The following TCEANC variants were observed in gnomAD, a reference collection of about 807,000 sequenced individuals.
TCEANC encodes the protein transcription elongation factor A N-terminal and central domain containing, also known as transcription elongation factor A N-terminal and central domain-containing protein.
Under a neutral mutation model 8.7 loss-of-function variants are expected in TCEANC, and 8 were observed. The observed-to-expected ratio is 0.92, with a 90% CI of 0.54 to 1.65. TCEANC has a LOEUF of 1.65. TCEANC is among the 40% of genes most tolerant of loss of function. TCEANC has a pLI of 0.00. For synonymous variants in TCEANC, 78 were observed against 92.9 expected (o/e 0.84, Z 0.92); for missense variants, 255 against 251.9 (o/e 1.01, Z -0.08).
chrX:13,664,470 G>C (rs1018406756), exon 2 of TCEANC: 1 of 123,343 alleles, frequency 8.1e-6, no homozygotes, highest in Non-Finnish European at 1.9e-5. Context: ...AACTCATCCC[G>C]CAGTTAGAAT....
chrX:13,659,686 C>T, intron 1 of TCEANC: 1 of 107,426 alleles, frequency 9.3e-6, no homozygotes. Flanking sequence ...AGTGCAGTGG[C>T]ATGATCTCGG....
upstream of TCEANC, chrX:13,653,293 T>C (rs1218028115): frequency 8.9e-6 from 1 of 112,742 alleles, no homozygotes; most frequent in African/African-American, 3.2e-5. Flanking sequence ...CGGTGCGCCC[T>C]GGGCGGCGTA....
intron 1 of TCEANC, among the ~76,000 whole-genome samples, chrX:13,656,141 G>A (rs1196938213): frequency 8.9e-6 from 1 of 112,120 alleles, no homozygotes; most frequent in Admixed American, 9.4e-5. Flanking sequence ...GCCCAGATAG[G>A]GTTTGGTGCC....
exon 2 of TCEANC, chrX:13,663,129 G>A (rs2045982899): frequency 1.7e-6 from 2 of 1,209,135 alleles, no homozygotes; most frequent in East Asian, 5.9e-5. Flanking sequence ...AAATTGAAGA[G>A]CATGTTTTTA....
chrX:13,659,749 C>G (rs1203919662), intron 1 of TCEANC: 1 of 111,671 alleles, frequency 9.0e-6, no homozygotes, highest in African/African-American at 3.4e-5. Flanking sequence ...CCTCGGCCTT[C>G]CGAGTAGCTG....
At chrX:13,653,262 C>G (rs2045895900), upstream of TCEANC, 1 of 113,077 alleles carries the variant, frequency 8.8e-6, no homozygotes, top group African/African-American at 3.2e-5. Context: ...CGGAAGCCCA[C>G]CCCGGCTCGC....
At chrX:13,662,539 G>A (rs767280886) in exon 2 of TCEANC, 4 of 1,211,100 alleles carry the variant, frequency 3.3e-6, no homozygotes, top group Non-Finnish European at 4.5e-6. Context: ...AGCTGCCAGA[G>A]CTTCTCTTAT....
exon 2 of TCEANC, chrX:13,662,635 C>A (rs942798965): frequency 1.7e-6 from 2 of 1,210,107 alleles, no homozygotes; most frequent in Non-Finnish European, 1.1e-6. Flanking sequence ...TAAGGAGCAT[C>A]TCCAGGAGAC....
chrX:13,654,597 T>G (rs2045909462), upstream of TCEANC, among the ~76,000 whole-genome samples: 1 of 112,743 alleles, frequency 8.9e-6, no homozygotes, highest in South Asian at 3.6e-4. Flanking sequence ...ACTTACTGTG[T>G]GACAGCCATA....
chrX:13,654,469 A>G (rs2045908395), upstream of TCEANC, among the ~76,000 whole-genome samples: 1 of 112,531 alleles, frequency 8.9e-6, no homozygotes, highest in African/African-American at 3.2e-5. Context: ...CAAAGCCTAG[A>G]ATATATACCT....
exon 2 of TCEANC, chrX:13,663,045 G>A: frequency 8.3e-7 from 1 of 1,211,294 alleles, no homozygotes; most frequent in Non-Finnish European, 1.1e-6. Flanking sequence ...AATGCATAGA[G>A]CTTCTTTACG....
rs749851573 is a variant in TCEANC, at chrX:13,655,319, G to GT, written c.-62dup. The GT allele has an allele frequency of 1.8e-5, 2 of 112,469 alleles. No individual in the cohort carries two copies. The highest frequency in any genetic ancestry group is 5.5e-4 in the East Asian group (2 of 3,625). The allele number at this position is 112,469 out of a possible 1,213,427, so 9.3% of individuals were successfully genotyped here. ...TTGTGAGGATTGAGATGACTGGAGT[G>GT]TGTGTGGCCTGGAGAGTTGCTCAAT... On this transcript the variant is annotated 5_prime_UTR_variant, in exon 1 of 2. The change abolishes the stop of an existing upstream ORF in the 5' untranslated region. Transcript: ENST00000380600.
intron 1 of TCEANC, among the ~76,000 whole-genome samples, chrX:13,658,060 C>T (rs2045937891): frequency 8.9e-6 from 1 of 112,077 alleles, no homozygotes; most frequent in South Asian, 3.7e-4. Context: ...AGACCACATA[C>T]TGTATGATTT....
At chrX:13,658,275 A>G (rs2045939646) in intron 1 of TCEANC, among the ~76,000 whole-genome samples, 1 of 112,006 alleles carries the variant, frequency 8.9e-6, no homozygotes, top group African/African-American at 3.3e-5. Flanking sequence ...CTGTGAATAT[A>G]CTAAAAGCCA....
chrX:13,655,609 C>G (rs923052519), intron 1 of TCEANC, among the ~76,000 whole-genome samples: 3 of 112,106 alleles, frequency 2.7e-5, no homozygotes, highest in Admixed American at 1.9e-4. Context: ...CTGGCAGGTC[C>G]TGCTGGGGTG....
chrX:13,660,479 T>C (rs1403331221), intron 1 of TCEANC, among the ~76,000 whole-genome samples: 1 of 112,080 alleles, frequency 8.9e-6, no homozygotes, highest in East Asian at 2.8e-4. Flanking sequence ...CCCTACCTAG[T>C]CAACAACTGA....
exon 2 of TCEANC, chrX:13,665,339 G>A (rs756770947): frequency 2.8e-4 from 35 of 123,774 alleles, no homozygotes; most frequent in African/African-American, 1.0e-3. Flanking sequence ...GTGTGTATGT[G>A]TGTAGTTTTT....
At chrX:13,664,823 A>G (rs2046003297) in exon 2 of TCEANC, 1 of 123,601 alleles carries the variant, frequency 8.1e-6, no homozygotes. Flanking sequence ...CACGCCTTCT[A>G]TGTGATTATG....
At chrX:13,659,125 T>G (rs758587625) in intron 1 of TCEANC, among the ~76,000 whole-genome samples, 1 of 112,496 alleles carries the variant, frequency 8.9e-6, no homozygotes, top group Non-Finnish European at 1.9e-5. Context: ...GCTTCAGATC[T>G]TGAAGTCACG....
Sources: gnomAD v4.1 joint callset for allele counts (sites outside exome capture counted in the v4.1 genomes callset) on GRCh38, gnomAD v4.1.1 for gene constraint, MANE v1.5 for transcripts, NCBI Gene and HGNC (gene_info 2026-07-23, HGNC 2026-07-21) for gene names.